The following SV2C variants were observed in gnomAD, a reference collection of about 807,000 sequenced individuals.
The protein encoded by SV2C is solute carrier family 22 member B3.
A neutral mutation model predicts 79.7 loss-of-function variants in SV2C; 49 were observed. The observed-to-expected ratio is 0.61, with a 90% CI of 0.49 to 0.78. The LOEUF (loss-of-function observed/expected upper bound fraction) is 0.78. SV2C is among the 30% of genes least tolerant of loss of function. The pLI, the probability that SV2C is intolerant of heterozygous loss-of-function variation, is 0.00. For missense variants in SV2C, 833 were observed against 912.9 expected (o/e 0.91, Z 1.13); for synonymous variants, 334 against 333.2 (o/e 1.00, Z -0.03).
chr5:76,188,611 C>T (rs1580341284), intron 2 of SV2C, among the ~76,000 whole-genome samples: 1 of 152,082 alleles, frequency 6.6e-6, no homozygotes, highest in South Asian at 2.1e-4. Context: ...CATCTTAACC[C>T]CCATTACTTT....
At chr5:76,169,508 G>A (rs1463323416) in intron 2 of SV2C, among the ~76,000 whole-genome samples, 2 of 152,292 alleles carry the variant, frequency 1.3e-5, no homozygotes, top group Middle Eastern at 3.4e-3. Context: ...TTCTAAAGCC[G>A]ACAGAACTAC....
intron 4 of SV2C, among the ~76,000 whole-genome samples, chr5:76,283,515 G>A (rs946352338): frequency 3.9e-5 from 6 of 152,092 alleles, no homozygotes; most frequent in Non-Finnish European, 5.9e-5. Context: ...CTTTTAAAAA[G>A]AAGTTCTTTA....
intron 4 of SV2C, among the ~76,000 whole-genome samples, chr5:76,253,107 T>A (rs1235163154): frequency 6.6e-6 from 1 of 152,162 alleles, no homozygotes; most frequent in African/African-American, 2.4e-5. Context: ...TTTAGATACA[T>A]GTGTTTGTTG....
chr5:76,270,542 A>G (rs1019574803), intron 4 of SV2C, among the ~76,000 whole-genome samples: 3 of 152,198 alleles, frequency 2.0e-5, no homozygotes, highest in African/African-American at 7.2e-5. Context: ...ACTTATAAAA[A>G]GTTGCAAGTC....
At chr5:76,053,642 C>A in the SV2C span, among the ~76,000 whole-genome samples, 97 of 152,222 alleles carry the variant, frequency 6.4e-4, no homozygotes, top group African/African-American at 2.1e-3. Flanking sequence ...TGTCAAACAT[C>A]CATGGTGTTT....
At chr5:76,317,550 C>T (rs899978849) in intron 12 of SV2C, among the ~76,000 whole-genome samples, 1 of 152,128 alleles carries the variant, frequency 6.6e-6, no homozygotes, top group Non-Finnish European at 1.5e-5. Context: ...GGCACTTAGG[C>T]CAGGTGCTGT....
At chr5:76,145,975 T>C (rs1415453983) in intron 2 of SV2C, among the ~76,000 whole-genome samples, 1 of 152,218 alleles carries the variant, frequency 6.6e-6, no homozygotes, top group African/African-American at 2.4e-5. Context: ...GTAGCAAATA[T>C]ATTTCTACCA....
chr5:76,060,326 C>T, the SV2C span, among the ~76,000 whole-genome samples: 63 of 152,224 alleles, frequency 4.1e-4, 3 homozygotes, highest in East Asian at 9.7e-3. Context: ...AGGCTGTTTT[C>T]GTCTACACTG....
the SV2C span, among the ~76,000 whole-genome samples, chr5:75,894,824 G>A: frequency 4.6e-3 from 696 of 152,126 alleles, 2 homozygotes; most frequent in Non-Finnish European, 7.0e-3. Context: ...CCATGCTCAT[G>A]TGTAAGGCTG....
chr5:76,249,054 T>C (rs547105348), intron 4 of SV2C, among the ~76,000 whole-genome samples: 1 of 152,270 alleles, frequency 6.6e-6, no homozygotes, highest in African/African-American at 2.4e-5. Flanking sequence ...AAAATAGCAA[T>C]CAGTTTTTTA....
chr5:75,993,316 G>A, the SV2C span, among the ~76,000 whole-genome samples: 1 of 151,984 alleles, frequency 6.6e-6, no homozygotes, highest in African/African-American at 2.4e-5. Flanking sequence ...AGATCGTCTT[G>A]CATGGTTTCA....
chr5:75,906,875 A>G, the SV2C span, among the ~76,000 whole-genome samples: 1 of 152,200 alleles, frequency 6.6e-6, no homozygotes, highest in Non-Finnish European at 1.5e-5. Context: ...GGTTGTCACA[A>G]CTGGGGCTTG....
At chr5:75,890,540 A>G in the SV2C span, among the ~76,000 whole-genome samples, 1 of 152,112 alleles carries the variant, frequency 6.6e-6, no homozygotes. Context: ...GAAAAAGAAC[A>G]TCAGAAGTTG....
the SV2C span, among the ~76,000 whole-genome samples, chr5:76,058,376 C>T: frequency 6.6e-6 from 1 of 152,120 alleles, no homozygotes; most frequent in East Asian, 1.9e-4. Context: ...TGTTGCAACA[C>T]TTCGGTGTTC....
At chr5:76,200,844 G>A (rs534565553) in intron 3 of SV2C, among the ~76,000 whole-genome samples, 1 of 152,260 alleles carries the variant, frequency 6.6e-6, no homozygotes, top group South Asian at 2.1e-4. Context: ...GTCTCCCTAT[G>A]TTGCCAAGGC....
chr5:76,339,045 T>C (rs1022897143), intron 12 of SV2C, among the ~76,000 whole-genome samples: 16 of 152,112 alleles, frequency 1.1e-4, no homozygotes, highest in Admixed American at 5.2e-4. Flanking sequence ...TGTGTCACCA[T>C]TGCTAAGAGC....
At chr5:75,855,176 A>G in the SV2C span, among the ~76,000 whole-genome samples, 303 of 152,262 alleles carry the variant, frequency 2.0e-3, 1 homozygote, top group Non-Finnish European at 3.8e-3. Context: ...TTTGAATTGC[A>G]TTGAATCTAT....
At chr5:76,034,877 C>T in the SV2C span, among the ~76,000 whole-genome samples, 1 of 152,156 alleles carries the variant, frequency 6.6e-6, no homozygotes, top group Non-Finnish European at 1.5e-5. Flanking sequence ...TCCATCTGGT[C>T]CTGGACTGTT....
chr5:75,950,477 C>T, the SV2C span, among the ~76,000 whole-genome samples: 1 of 151,894 alleles, frequency 6.6e-6, no homozygotes, highest in African/African-American at 2.4e-5. Flanking sequence ...CATATGAAAA[C>T]TTCTATATCC....
Sources: allele counts gnomAD v4.1 joint callset (sites outside exome capture counted in the v4.1 genomes callset), GRCh38; gene constraint gnomAD v4.1.1; transcripts MANE v1.5; gene names NCBI Gene and HGNC (gene_info 2026-07-23, HGNC 2026-07-21).